Variants in DENND3 observed in about 807,000 individuals in gnomAD.
DENND3 encodes the protein DENN domain-containing protein 3.
DENND3 carries 88 observed loss-of-function variants against 135.1 expected under a neutral mutation model. The observed-to-expected ratio is 0.65, with a 90% CI of 0.55 to 0.78. The LOEUF (loss-of-function observed/expected upper bound fraction) is 0.78, where lower values mean the gene tolerates loss of function less well. Ranked by LOEUF, DENND3 falls within the 30% of genes least tolerant of loss-of-function variation. The pLI is 0.00. For synonymous variants in DENND3, 693 were observed against 712.3 expected (o/e 0.97, Z 0.43); for missense variants, 1,392 against 1,688.4 (o/e 0.82, Z 3.08).
chr8:141,157,940 A>G (rs1819648313), intron 8 of DENND3: 1 of 932,596 alleles, frequency 1.1e-6, no homozygotes, highest in Non-Finnish European at 1.3e-6. Flanking sequence ...TTGTGTTTTC[A>G]GTAGAGACAG....
intron 5 of DENND3, among the ~76,000 whole-genome samples, chr8:141,148,933 G>A (rs1818465155): frequency 6.7e-6 from 1 of 148,788 alleles, no homozygotes; most frequent in African/African-American, 2.5e-5. Flanking sequence ...TTTTTTGAGA[G>A]GAGTTTCGCT....
At chr8:141,155,783 T>G (rs1819359125) in intron 7 of DENND3, 66 bp from the exon 8 acceptor site, 8 of 1,511,688 alleles carry the variant, frequency 5.3e-6, no homozygotes, top group Non-Finnish European at 7.1e-6. Flanking sequence ...TTTATGTGTT[T>G]TCAAAGAGGT....
Position 141,182,973 on chromosome 8 carries a change from C to A in DENND3, c.2944+2119C>A, listed in dbSNP as rs960156150. On this transcript the variant is annotated intron_variant, in intron 17 of 22. Transcript: ENST00000519811. The surrounding 1 kb of genome is among the most constrained non-coding windows in gnomAD (Gnocchi z 5.9). The stretch of plus-strand genomic sequence containing the variant: ...GAGGCCTGCCCTTCTGGACTCAGGA[C>A]GGAGGCAGCACTGCAGGGCGGGGGG... 6.6e-6 allele frequency among the ~76,000 whole-genome samples: 1 copy of A among 152,164 alleles called. No homozygotes were observed. The highest frequency in any genetic ancestry group is 1.5e-5 in the Non-Finnish European group (1 of 68,026).
intron 1 of DENND3, among the ~76,000 whole-genome samples, chr8:141,131,477 G>A (rs1379929471): frequency 6.6e-6 from 1 of 152,180 alleles, no homozygotes; most frequent in East Asian, 1.9e-4. Flanking sequence ...CTGGGTGATG[G>A]CAGTTCGTGT....
At chr8:141,153,554 C>T (rs1192098432) in intron 7 of DENND3, among the ~76,000 whole-genome samples, 1 of 152,210 alleles carries the variant, frequency 6.6e-6, no homozygotes, top group Non-Finnish European at 1.5e-5. Flanking sequence ...GCTTCCCCCA[C>T]AAGTGTTGGG....
intron 10 of DENND3, 58 bp from the exon 11 acceptor site, chr8:141,165,128 G>T: frequency 7.3e-7 from 1 of 1,378,004 alleles, no homozygotes; most frequent in Non-Finnish European, 1.0e-6. Flanking sequence ...CAGGGGCTTT[G>T]GAGCAGGGAC....
chr8:141,144,088 C>T lies in DENND3; in HGVS notation c.624-60C>T, dbSNP rs1019147067. The T allele has an allele frequency of 5.2e-5, 74 of 1,409,694 alleles. No homozygotes were observed. In the Middle Eastern group the frequency reaches 9.2e-4, roughly 18 times the overall value. 87.3% of individuals were successfully genotyped at this position (1,409,694 alleles called of 1,614,324 possible). On this transcript the variant is annotated intron_variant, in intron 4 of 22. Coordinates refer to ENST00000519811, the MANE Select transcript of DENND3 (RefSeq NM_001352890.3). The surrounding 1 kb of genome is among the most constrained non-coding windows in gnomAD (Gnocchi z 4.4). The stretch of plus-strand genomic sequence containing the variant: ...ATTCCAGTGTGATTAGAAACGCTAA[C>T]GATGACAACTGCGTTCTCATCTTTA...
chr8:141,144,816 G>A lies in DENND3; in HGVS notation c.735+557G>A, dbSNP rs912483919. On this transcript the variant is annotated intron_variant, in intron 5 of 22. Coordinates refer to ENST00000519811, the MANE Select transcript of DENND3 (RefSeq NM_001352890.3). The surrounding 1 kb of genome is among the most constrained non-coding windows in gnomAD (Gnocchi z 4.4). ...TGAACAAAACCTAAGGTCACACAAA[G>A]CAAGGGTTAAGTCACTCCCTACAAA... Among the ~76,000 whole-genome samples, 2 of 152,126 alleles carry A rather than the reference G, an allele frequency of 1.3e-5. No individual in the cohort carries two copies. Among genetic ancestry groups the A allele is most frequent in the African/African-American group, 2.4e-5 (1 of 41,420 alleles).
At chr8:141,150,683 T>C (rs1229073144) in intron 5 of DENND3, 151 bp from the exon 6 acceptor site, 3 of 993,598 alleles carry the variant, frequency 3.0e-6, no homozygotes, top group African/African-American at 3.3e-5. Context: ...CTAGACCGTT[T>C]GGTTATTCTG....
chr8:141,152,599 G>C (rs964020331), intron 7 of DENND3, among the ~76,000 whole-genome samples: 1 of 152,136 alleles, frequency 6.6e-6, no homozygotes, highest in African/African-American at 2.4e-5. Flanking sequence ...TGTATAAATA[G>C]ACCGAGTTTT....
rs929384738 is a variant in DENND3, at chr8:141,182,021, T to C, written c.2944+1167T>C. ...GTTGCCTAGGCTGATCTCGAACTCCTGGGCTCAAGCGATACCTCTCCACCT... is the reference window on the plus strand; with the variant it reads ...GTTGCCTAGGCTGATCTCGAACTCCCGGGCTCAAGCGATACCTCTCCACCT... On this transcript the variant is annotated intron_variant, in intron 17 of 22. Coordinates refer to ENST00000519811, the MANE Select transcript of DENND3 (RefSeq NM_001352890.3). This position sits in a 1 kb window ranked among gnomAD's most constrained non-coding sequence, Gnocchi z 5.9. Among the ~76,000 whole-genome samples, 6 of 152,196 alleles carry C rather than the reference T, an allele frequency of 3.9e-5. No individual in the cohort carries two copies. The highest frequency in any genetic ancestry group is 2.0e-4 in the Admixed American group (3 of 15,278).
intron 22 of DENND3, 153 bp from the exon 23 acceptor site, chr8:141,193,880 C>T: frequency 1.3e-6 from 1 of 798,026 alleles, no homozygotes; most frequent in Non-Finnish European, 2.0e-6. Context: ...TGTGCACCTG[C>T]CAGGCGGCCC....
chr8:141,150,697 A>G, intron 5 of DENND3, 137 bp from the exon 6 acceptor site: 2 of 1,150,980 alleles, frequency 1.7e-6, no homozygotes, highest in South Asian at 1.7e-5. Context: ...TATTCTGCAG[A>G]ATTTAACGTG....
chr8:141,173,607 C>T (rs1194455728), intron 13 of DENND3: 2 of 152,242 alleles, frequency 1.3e-5, no homozygotes, highest in Non-Finnish European at 2.9e-5. Flanking sequence ...GCCATGATAG[C>T]GGATTCCCTA....
chr8:141,175,673 A>G lies in DENND3; in HGVS notation c.2535+214A>G, dbSNP rs998778976. On this transcript the variant is annotated intron_variant, in intron 14 of 22. Coordinates refer to ENST00000519811, the MANE Select transcript of DENND3 (RefSeq NM_001352890.3). The surrounding 1 kb of genome is among the most constrained non-coding windows in gnomAD (Gnocchi z 5.4). ...GTGGTGGAGATTGAATAGTTTGCAT[A>G]TGGAGCATGCTTAGAATGGTAACTG... The G allele has an allele frequency of 4.5e-6, 3 of 672,276 alleles. No individual in the cohort carries two copies. The highest frequency in any genetic ancestry group is 5.1e-6 in the Non-Finnish European group (2 of 390,524). The allele number at this position is 672,276 out of a possible 1,614,324, so 41.6% of individuals were successfully genotyped here. A position where few individuals can be genotyped will look rare whatever the true frequency, so the allele number is the denominator to read the frequency against.
rs1052810315 is a variant in DENND3 at position 141,174,763 on chromosome 8, C to T, written c.2276-437C>T. 4.6e-5 allele frequency among the ~76,000 whole-genome samples: 7 copies of T among 152,214 alleles called. No individual in the cohort carries two copies. The highest frequency in any genetic ancestry group is 1.7e-4 in the African/African-American group (7 of 41,448). ...TGGCAGGGCAGCGGCGCTAAGGATC[C>T]AACCTTCCCGGCGTTAGCTTCATCC... On this transcript the variant is annotated intron_variant, in intron 13 of 22. Coordinates refer to ENST00000519811, the MANE Select transcript of DENND3 (RefSeq NM_001352890.3). The surrounding 1 kb of genome is among the most constrained non-coding windows in gnomAD (Gnocchi z 4.6).
In DENND3 at chr8:141,194,474, C is replaced by T. The variant is rs1250882099; in HGVS notation, c.*241C>T. The T allele has an allele frequency of 1.8e-6, 1 of 543,638 alleles. No homozygotes were observed. Among genetic ancestry groups the T allele is most frequent in the African/African-American group, 1.9e-5 (1 of 52,988 alleles). The allele number at this position is 543,638 out of a possible 1,614,324, so 33.7% of individuals were successfully genotyped here. Reference sequence around the variant, plus strand: ...CCTGTTGGGGTGTGTCTCAGGCAGGCAGCTGCGTCTTGTTGGTGATAACCT... The same window carrying T: ...CCTGTTGGGGTGTGTCTCAGGCAGGTAGCTGCGTCTTGTTGGTGATAACCT... On this transcript the variant is annotated 3_prime_UTR_variant, in exon 23 of 23. Transcript: ENST00000519811.
chr8:141,185,362 A>G (rs1411339792), intron 18 of DENND3, 84 bp downstream of exon 18: 1 of 1,568,732 alleles, frequency 6.4e-7, no homozygotes. Flanking sequence ...ATTCGACAGT[A>G]GGATACAAGC....
chr8:141,183,742 T>G (rs1738568069), intron 17 of DENND3, among the ~76,000 whole-genome samples: 3 of 144,422 alleles, frequency 2.1e-5, no homozygotes, highest in African/African-American at 8.6e-5. Flanking sequence ...TTTTGTTTTT[T>G]TTTTTTTTTA....
Sources: allele counts gnomAD v4.1 joint callset (sites outside exome capture counted in the v4.1 genomes callset), GRCh38; gene constraint gnomAD v4.1.1; non-coding constraint Gnocchi (gnomAD v3.1); transcripts MANE v1.5; gene names NCBI Gene and HGNC (gene_info 2026-07-23, HGNC 2026-07-21).